The following DNAH17 variants were observed in gnomAD, a reference collection of about 807,000 sequenced individuals.
DNAH17 encodes the protein axonemal beta dynein heavy chain 17.
In DNAH17, 376 loss-of-function variants were observed where a neutral mutation model predicts 485.6. The ratio of observed to expected loss-of-function variants is 0.77; its 90% CI spans 0.71 to 0.84. DNAH17 has a LOEUF of 0.84. Among genes scored for constraint, DNAH17 ranks in the 40% least tolerant of loss-of-function variants. The pLI is 0.00. For missense variants in DNAH17, 6,370 were observed against 5,839.3 expected, an observed-to-expected ratio of 1.09 and a Z score of -2.96; for synonymous variants, 3,031 against 2,405.9, an observed-to-expected ratio of 1.26 and a Z score of -7.60.
intron 25 of DNAH17, among the ~76,000 whole-genome samples, chr17:78,519,772 C>G (rs951851806): frequency 6.6e-6 from 1 of 152,172 alleles, no homozygotes; most frequent in Non-Finnish European, 1.5e-5. Context: ...CCAACGTGAA[C>G]AAGCCTGTAT....
intron 78 of DNAH17, 92 bp downstream of exon 78, chr17:78,426,834 G>T (rs2086488473): frequency 6.9e-7 from 1 of 1,459,474 alleles, no homozygotes; most frequent in Non-Finnish European, 9.4e-7. Context: ...GCTGATCCGG[G>T]GCCTGTGCTA....
intron 48 of DNAH17, among the ~76,000 whole-genome samples, chr17:78,481,725 G>A (rs1883970141): frequency 6.6e-6 from 1 of 152,172 alleles, no homozygotes; most frequent in Admixed American, 6.6e-5. Flanking sequence ...TATTAAATAA[G>A]CTGAATAGGC....
intron 16 of DNAH17, among the ~76,000 whole-genome samples, chr17:78,550,650 C>G (rs965274975): frequency 1.3e-5 from 2 of 152,150 alleles, no homozygotes; most frequent in Non-Finnish European, 2.9e-5. Context: ...ACACCTTAAC[C>G]TTGGCCTTCC....
Position 78,441,097 on chromosome 17 carries a change from G to A in DNAH17, c.11631C>T (p.Phe3877=). 6.2e-7 allele frequency: 1 copy of A among 1,612,984 alleles called. No homozygotes were observed. Among genetic ancestry groups the A allele is most frequent in the South Asian group, 1.1e-5 (1 of 90,790 alleles). The part of the protein sequence containing the change: ...EESSPSTSIF[F]ILSPGVDPLK... ...AGGGGTCAACCCCCGGGGAGAGGAT[G>A]AAGAAGATTGACGTGGAGGGGCTGC... The change falls in exon 72 of 81, where the codon TTC becomes TTT. Residue 3877 remains phenylalanine (F), a synonymous_variant. Coordinates refer to ENST00000389840, the MANE Select transcript of DNAH17 (RefSeq NM_173628.4).
At position 78,484,759 on chromosome 17, in the gene DNAH17, C is replaced by G. The variant is rs1416275260; in HGVS notation, c.7649+109G>C. The G allele has an allele frequency of 1.2e-5, 8 of 675,586 alleles. 1 individual carries two copies. The highest frequency in any genetic ancestry group is 1.6e-5 in the Non-Finnish European group (8 of 493,346). 41.8% of individuals were successfully genotyped at this position (675,586 alleles called of 1,614,324 possible). A position where few individuals can be genotyped will look rare whatever the true frequency, so the allele number is the denominator to read the frequency against. ...GCAGCACCCCCCCCACCGCCCCACA[C>G]CAGTCCTGCCCTACTGCCCTGGGGC... is the stretch of plus-strand genomic sequence containing the variant. On this transcript the variant is annotated intron_variant, in intron 48 of 80. Coordinates refer to ENST00000389840, the MANE Select transcript of DNAH17 (RefSeq NM_173628.4).
rs764379041 is a variant in DNAH17 at position 78,453,469 on chromosome 17, C to T, written c.10407-4G>A. 5 of 1,613,712 alleles carry T rather than the reference C, an allele frequency of 3.1e-6. No homozygotes were observed. The highest frequency in any genetic ancestry group is 1.3e-5 in the African/African-American group (1 of 75,054). On this transcript the variant is annotated splice_polypyrimidine_tract_variant and splice_region_variant and intron_variant, in intron 64 of 80. Transcript: ENST00000389840. ...CTGCTCGATGACATCCAGGTAGCTG[C>T]GGGCACAACACGGAAGCTGGTTCAT...
At chr17:78,501,068 C>T (rs1397988601) in intron 35 of DNAH17, 116 bp downstream of exon 35, 19 of 1,246,590 alleles carry the variant, frequency 1.5e-5, no homozygotes, top group Middle Eastern at 2.0e-4. Flanking sequence ...GTCCACCTGA[C>T]GCAAATGCCC....
At chr17:78,499,198 C>A in intron 36 of DNAH17, 86 bp from the exon 37 acceptor site, 2 of 980,534 alleles carry the variant, frequency 2.0e-6, no homozygotes, top group Non-Finnish European at 2.9e-6. Context: ...GCCTCTTCGG[C>A]TGTGTTTTCT....
rs763997681 is a variant in DNAH17 at position 78,567,027 on chromosome 17, T to C, written c.1424A>G (p.Lys475Arg). Residue 475 changes from lysine to arginine, a missense_variant, in exon 10 of 81, where the codon AAA becomes AGA. By Grantham distance (26) the Lys-to-Arg change is conservative. Coordinates refer to ENST00000389840, the MANE Select transcript of DNAH17 (RefSeq NM_173628.4). ...GTCTCCAGGGTCCAAGGGATCATAT[T>C]TGCAGTCGGCAAAAACCTTCACCAG... The part of the protein sequence containing the change: ...FELVKVFADC[K>R]YDPLDPGDSN... 10 of 1,613,518 alleles carry C rather than the reference T, an allele frequency of 6.2e-6. No individual in the cohort carries two copies. The Admixed American group carries it at 1.5e-4, about 24-fold the overall frequency.
rs1231565338 is a variant in DNAH17 at position 78,424,125 on chromosome 17, G to T, written c.13170C>A (p.Val4390=). The change falls in exon 81 of 81, where the codon GTC becomes GTA. Residue 4390 remains valine (V), a synonymous_variant. Coordinates refer to ENST00000389840, the MANE Select transcript of DNAH17 (RefSeq NM_173628.4). ...EGARWDTQTG[V]IAEARLKELT... ...GCTCTTTCAGCCGCGCTTCAGCGAT[G>T]ACTCCAGTCTGGGTGTCCCAGCGAG... The T allele has an allele frequency of 1.9e-6, 3 of 1,613,270 alleles. No homozygotes were observed. The highest frequency in any genetic ancestry group is 4.5e-5 in the East Asian group (2 of 44,884).
intron 48 of DNAH17, 129 bp downstream of exon 48, chr17:78,484,739 A>ACCCCCCTTCCCCCCCCCCC: frequency 2.9e-6 from 1 of 347,798 alleles, no homozygotes. Flanking sequence ...ACGTTGCAGC[A>ACCCCCCTTCCCCCCCCCCC]CCCCCCCCAC....
At chr17:78,534,601 C>T (rs1230742690) in intron 19 of DNAH17, among the ~76,000 whole-genome samples, 3 of 152,202 alleles carry the variant, frequency 2.0e-5, no homozygotes, top group Non-Finnish European at 4.4e-5. Flanking sequence ...CAGGCAGGTG[C>T]TTCTGGATTT....
chr17:78,558,858 T>C (rs142390991), intron 13 of DNAH17, among the ~76,000 whole-genome samples: 2,518 of 152,316 alleles, frequency 0.017, 31 homozygotes, highest in Non-Finnish European at 0.026. Context: ...ATTCTCAAAG[T>C]TGAGATAACC....
At chr17:78,468,390 C>T (rs751008450) in intron 55 of DNAH17, among the ~76,000 whole-genome samples, 10 of 152,092 alleles carry the variant, frequency 6.6e-5, no homozygotes, top group African/African-American at 1.5e-4. Context: ...TACCAAAGGA[C>T]GACTGTAAAA....
intron 35 of DNAH17, chr17:78,500,680 T>C (rs900957738): frequency 3.8e-5 from 14 of 372,670 alleles, no homozygotes; most frequent in Admixed American, 3.1e-4. Context: ...GGCTAATTTT[T>C]GTATTTTCAG....
intron 14 of DNAH17, among the ~76,000 whole-genome samples, chr17:78,557,390 G>A (rs1228605799): frequency 6.6e-6 from 1 of 152,060 alleles, no homozygotes; most frequent in Admixed American, 6.6e-5. Context: ...GGCAGAGGCG[G>A]GCAAATCACC....
In DNAH17 at chr17:78,574,879, C is replaced by G. The variant is rs1424704615; in HGVS notation, c.179G>C (p.Gly60Ala). Residue 60 changes from glycine to alanine, a missense_variant, in exon 2 of 81, where the codon GGC becomes GCC. Physicochemically the swap from Gly to Ala is moderately conservative, Grantham distance 60. Coordinates refer to ENST00000389840, the MANE Select transcript of DNAH17 (RefSeq NM_173628.4). ...GAAGCCCAGGCAGGGTATGATCATGCCGGCTGCATTGAGCGTCAGCACCAG... is the reference window on the plus strand; with the variant it reads ...GAAGCCCAGGCAGGGTATGATCATGGCGGCTGCATTGAGCGTCAGCACCAG... Reference protein sequence around the residue: ...QVLVLTLNAAGMIIPCLGFPQ... With the variant: ...QVLVLTLNAAAMIIPCLGFPQ... 6.2e-7 allele frequency: 1 copy of G among 1,613,888 alleles called. No individual in the cohort carries two copies. The highest frequency in any genetic ancestry group is 8.5e-7 in the Non-Finnish European group (1 of 1,179,902).
chr17:78,476,530 G>T, intron 52 of DNAH17, 42 bp downstream of exon 52: 1 of 1,577,246 alleles, frequency 6.3e-7, no homozygotes, highest in South Asian at 1.2e-5. Context: ...CCCTCCTGGA[G>T]CCATTCTGGG....
intron 14 of DNAH17, among the ~76,000 whole-genome samples, chr17:78,557,199 T>TC (rs1206239579): frequency 6.6e-6 from 1 of 152,120 alleles, no homozygotes; most frequent in African/African-American, 2.4e-5. Flanking sequence ...CTCATGATAA[T>TC]CCTACTCTGG....
Sources: allele counts gnomAD v4.1 joint callset (sites outside exome capture counted in the v4.1 genomes callset), GRCh38; gene constraint gnomAD v4.1.1; transcripts MANE v1.5; gene names NCBI Gene and HGNC (gene_info 2026-07-23, HGNC 2026-07-21).